CFAP299: variants seen among roughly 807,000 people sequenced by gnomAD.
The protein encoded by CFAP299 is cilia- and flagella-associated protein 299.
Under a neutral mutation model 27.0 loss-of-function variants are expected in CFAP299, and 21 were observed. The observed-to-expected ratio is 0.78, with a 90% CI of 0.55 to 1.12. CFAP299 has a LOEUF of 1.12. Ranked by LOEUF, CFAP299 falls within the 50% of genes most tolerant of loss-of-function variation. CFAP299 has a pLI of 0.00. For synonymous variants in CFAP299, 104 were observed against 98.1 expected (o/e 1.06, Z -0.36); for missense variants, 310 against 276.6 (o/e 1.12, Z -0.86).
the CFAP299 span, among the ~76,000 whole-genome samples, chr4:80,324,128 A>C: frequency 3.3e-5 from 5 of 151,316 alleles, no homozygotes; most frequent in African/African-American, 1.2e-4. Flanking sequence ...TAATGCTCTC[A>C]CTCCCCTTGC....
intron 3 of CFAP299, among the ~76,000 whole-genome samples, chr4:80,785,423 A>G (rs1438108238): frequency 6.6e-6 from 1 of 152,100 alleles, no homozygotes; most frequent in Non-Finnish European, 1.5e-5. Flanking sequence ...CTTCTTCCAG[A>G]GTATCTGTAG....
At chr4:80,337,683 C>A (rs1722220803) in intron 1 of CFAP299, among the ~76,000 whole-genome samples, 1 of 152,132 alleles carries the variant, frequency 6.6e-6, no homozygotes, top group Non-Finnish European at 1.5e-5. Context: ...CAGGTGTGAG[C>A]CACCACACCC....
intron 3 of CFAP299, among the ~76,000 whole-genome samples, chr4:80,683,243 A>G (rs569565214): frequency 7.2e-5 from 11 of 152,314 alleles, no homozygotes; most frequent in African/African-American, 2.6e-4. Flanking sequence ...AACATCTCAG[A>G]AGGCATCCCC....
chr4:80,408,268 A>G (rs1158124472), intron 2 of CFAP299, among the ~76,000 whole-genome samples: 1 of 152,218 alleles, frequency 6.6e-6, no homozygotes, highest in Non-Finnish European at 1.5e-5. Context: ...TTGACTCTAC[A>G]TCCTAGTACT....
chr4:80,417,327 A>G (rs1306621265), intron 2 of CFAP299, among the ~76,000 whole-genome samples: 1 of 152,094 alleles, frequency 6.6e-6, no homozygotes, highest in African/African-American at 2.4e-5. Context: ...GAAGGCCTTT[A>G]TGACCTGTAT....
rs374828758 is a variant in CFAP299, at chr4:80,852,854, G to A, written c.334-17139G>A. On this transcript the variant is annotated intron_variant, in intron 3 of 5. Transcript: ENST00000358105. ...TTCTATTCTATTCCTTTTGATAGAT[G>A]CATATTAGGAATATCATCAATGCAT... Among the ~76,000 whole-genome samples, 591 of 152,178 alleles carry A rather than the reference G, an allele frequency of 3.9e-3. 1 individual carries two copies. The highest frequency in any genetic ancestry group is 0.014 in the Middle Eastern group (4 of 294).
intron 2 of CFAP299, among the ~76,000 whole-genome samples, chr4:80,515,092 G>A (rs754570756): frequency 1.6e-4 from 24 of 151,990 alleles, no homozygotes; most frequent in Non-Finnish European, 3.4e-4. Flanking sequence ...AGAAATTTTA[G>A]CATCTTAAAT....
At chr4:80,688,226 C>T (rs1440490498) in intron 3 of CFAP299, among the ~76,000 whole-genome samples, 5 of 152,240 alleles carry the variant, frequency 3.3e-5, no homozygotes, top group Non-Finnish European at 7.3e-5. Context: ...TAGGCTCCAC[C>T]TCTGGGGGCA....
chr4:80,708,515 G>C (rs1488478177), intron 3 of CFAP299, among the ~76,000 whole-genome samples: 1 of 152,048 alleles, frequency 6.6e-6, no homozygotes, highest in Non-Finnish European at 1.5e-5. Context: ...AATTCAATTG[G>C]AAAAGGCTCT....
rs562179075 is a variant in CFAP299 at position 80,861,501 on chromosome 4, G to A, written c.334-8492G>A. Among the ~76,000 whole-genome samples, 12 of 152,220 alleles carry A rather than the reference G, an allele frequency of 7.9e-5. 1 individual carries two copies. The highest frequency in any genetic ancestry group is 3.3e-4 in the Admixed American group (5 of 15,286). The stretch of plus-strand genomic sequence containing the variant: ...AATGCAGAAATCACCCGTCTTCTGC[G>A]TCACTCATGCTGGGAGCTGTAGACT... On this transcript the variant is annotated intron_variant, in intron 3 of 5. Coordinates refer to ENST00000358105, the MANE Select transcript of CFAP299 (RefSeq NM_152770.3).
intron 3 of CFAP299, among the ~76,000 whole-genome samples, chr4:80,814,093 A>G (rs1032491515): frequency 7.9e-5 from 12 of 152,028 alleles, no homozygotes; most frequent in African/African-American, 2.7e-4. Flanking sequence ...ATTTAGTGCA[A>G]TAATTTTTCT....
chr4:80,861,100 A>C (rs1732314719), intron 3 of CFAP299, among the ~76,000 whole-genome samples: 3 of 152,198 alleles, frequency 2.0e-5, no homozygotes, highest in Admixed American at 1.3e-4. Flanking sequence ...TTACCTAAGC[A>C]AGCCTGGACA....
intron 2 of CFAP299, among the ~76,000 whole-genome samples, chr4:80,447,708 C>A (rs1004404691): frequency 2.0e-5 from 3 of 152,142 alleles, no homozygotes; most frequent in African/African-American, 7.2e-5. Flanking sequence ...CTGCCTCGGC[C>A]TCCCAAAGTG....
chr4:80,439,657 C>T (rs562407311), intron 2 of CFAP299, among the ~76,000 whole-genome samples: 3 of 152,242 alleles, frequency 2.0e-5, no homozygotes, highest in Non-Finnish European at 2.9e-5. Context: ...GGAGTTTTTT[C>T]GTACCCCAGT....
chr4:80,367,451 C>T (rs1001387508), intron 2 of CFAP299, among the ~76,000 whole-genome samples: 23 of 152,150 alleles, frequency 1.5e-4, no homozygotes, highest in African/African-American at 5.6e-4. Context: ...CCCTTATTCA[C>T]AAATTATTTT....
In CFAP299 at chr4:80,712,661, G is replaced by A. The variant is rs193187715; in HGVS notation, c.333+129478G>A. ...TCAACAACTCAATATATTATAATGT[G>A]TCTAAAGACTTTTAAAAAAATCACA... is the stretch of plus-strand genomic sequence containing the variant. On this transcript the variant is annotated intron_variant, in intron 3 of 5. Transcript: ENST00000358105. Among the ~76,000 whole-genome samples, 172 of 152,148 alleles carry A rather than the reference G, an allele frequency of 1.1e-3. 2 individuals carry two copies. The highest frequency in any genetic ancestry group is 0.011 in the Admixed American group (166 of 15,272).
upstream of CFAP299, among the ~76,000 whole-genome samples, chr4:80,335,506 G>C (rs906684669): frequency 6.6e-6 from 1 of 152,144 alleles, no homozygotes; most frequent in Admixed American, 6.5e-5. Flanking sequence ...TTGGATTGCA[G>C]TTTGCACCTC....
intron 3 of CFAP299, among the ~76,000 whole-genome samples, chr4:80,663,275 C>T (rs1740960892): frequency 6.6e-6 from 1 of 152,080 alleles, no homozygotes; most frequent in Non-Finnish European, 1.5e-5. Context: ...CTAATGCTAT[C>T]CCTCCTTCCT....
chr4:80,756,500 A>G (rs1725246832), intron 3 of CFAP299, among the ~76,000 whole-genome samples: 1 of 152,132 alleles, frequency 6.6e-6, no homozygotes, highest in South Asian at 2.1e-4. Context: ...AATGTTATTT[A>G]CATTATTAGG....
Sources: allele counts gnomAD v4.1 joint callset (sites outside exome capture counted in the v4.1 genomes callset), GRCh38; gene constraint gnomAD v4.1.1; transcripts MANE v1.5; gene names NCBI Gene and HGNC (gene_info 2026-07-23, HGNC 2026-07-21).